The following PTDSS2 variants were observed in gnomAD, a reference collection of about 807,000 sequenced individuals.
The protein encoded by PTDSS2 is PSS-2.
PTDSS2 carries 41 observed loss-of-function variants against 64.7 expected under a neutral mutation model. That is an observed-to-expected ratio of 0.63 (90% CI 0.49 to 0.82). The LOEUF is 0.82. PTDSS2 is among the 40% of genes least tolerant of loss of function. PTDSS2 has a pLI of 0.00. For missense variants in PTDSS2, 485 were observed against 650.0 expected (o/e 0.75, Z 2.76); for synonymous variants, 297 against 277.8 (o/e 1.07, Z -0.69).
chr11:465,438 G>A (rs1301493040), intron 2 of PTDSS2, among the ~76,000 whole-genome samples: 1 of 152,164 alleles, frequency 6.6e-6, no homozygotes, highest in African/African-American at 2.4e-5. Flanking sequence ...CTCCCAAACT[G>A]CTGGGATTAC....
intron 2 of PTDSS2, among the ~76,000 whole-genome samples, chr11:469,766 C>T (rs1847333988): frequency 6.6e-6 from 1 of 151,986 alleles, no homozygotes; most frequent in African/African-American, 2.4e-5. Flanking sequence ...GTCCACGGGG[C>T]CAGGGCTCTG....
chr11:450,596 C>T lies in PTDSS2; in HGVS notation c.141C>T (p.Thr47=). The T allele has an allele frequency of 8.0e-7, 1 of 1,243,734 alleles. No individual in the cohort carries two copies. The highest frequency in any genetic ancestry group is 1.0e-6 in the Non-Finnish European group (1 of 986,364). The allele number at this position is 1,243,734 out of a possible 1,614,324, so 77.0% of individuals were successfully genotyped here. Residue 47 remains threonine (T), a synonymous_variant, in exon 1 of 12, where the codon ACC becomes ACT. Coordinates refer to ENST00000308020, the MANE Select transcript of PTDSS2 (RefSeq NM_030783.3). The part of the protein sequence containing the change: ...ATGPGEGRRS[T]ESEVYDDGTN... ...GGCCGGGCGAGGGCCGCCGCAGCAC[C>T]GAGTCCGAGGTCTACGACGACGGCA...
At chr11:454,836 G>A (rs1846514292) in intron 1 of PTDSS2, among the ~76,000 whole-genome samples, 1 of 152,212 alleles carries the variant, frequency 6.6e-6, no homozygotes, top group African/African-American at 2.4e-5. Context: ...GTGTTAGTGT[G>A]TGATCCTGTC....
intron 1 of PTDSS2, among the ~76,000 whole-genome samples, chr11:452,391 G>A (rs1245657234): frequency 6.6e-6 from 1 of 152,270 alleles, no homozygotes; most frequent in Admixed American, 6.5e-5. Flanking sequence ...ATGCAAGCCT[G>A]CGCAGCCCAC....
At chr11:451,733 A>C (rs1846339321) in intron 1 of PTDSS2, among the ~76,000 whole-genome samples, 1 of 152,122 alleles carries the variant, frequency 6.6e-6, no homozygotes, top group South Asian at 2.1e-4. Context: ...CAGGGACTTA[A>C]CCGGTCCTGG....
upstream of PTDSS2, chr11:450,154 C>G (rs1357879712): frequency 3.4e-6 from 1 of 293,690 alleles, no homozygotes; most frequent in Non-Finnish European, 6.3e-6. Flanking sequence ...CCTGCGACCT[C>G]AGCCGCAGGG....
intron 2 of PTDSS2, among the ~76,000 whole-genome samples, chr11:472,302 G>A (rs376126136): frequency 1.4e-4 from 22 of 152,314 alleles, no homozygotes; most frequent in African/African-American, 5.1e-4. Context: ...TCTGGCTCCA[G>A]GGGGCCCTGA....
rs767529170 is a variant in PTDSS2 at position 489,934 on chromosome 11, G to A, written c.1167G>A (p.Thr389=). Residue 389 remains threonine, a synonymous_variant, in exon 11 of 12, where the codon ACG becomes ACA. Coordinates refer to ENST00000308020, the MANE Select transcript of PTDSS2 (RefSeq NM_030783.3). Reference sequence around the variant, plus strand: ...AGGCCTGGCTGGTGGCGGCCATCACGGCCACGGAGCTGCTCATCGTGGTGA... The same window carrying A: ...AGGCCTGGCTGGTGGCGGCCATCACAGCCACGGAGCTGCTCATCGTGGTGA... ...GPQAWLVAAI[T]ATELLIVVKY... is the part of the protein sequence containing the mutation. 3.1e-6 allele frequency: 5 copies of A among 1,607,058 alleles called. No individual in the cohort carries two copies. The highest frequency in any genetic ancestry group is 2.2e-5 in the East Asian group (1 of 44,708).
At chr11:478,492 A>T (rs1847917591) in intron 3 of PTDSS2, among the ~76,000 whole-genome samples, 1 of 151,922 alleles carries the variant, frequency 6.6e-6, no homozygotes, top group Admixed American at 6.6e-5. Context: ...CACACCTGTA[A>T]TCCCAGCACT....
chr11:468,740 G>C (rs1473436549), intron 2 of PTDSS2, among the ~76,000 whole-genome samples: 12 of 152,070 alleles, frequency 7.9e-5, no homozygotes, highest in Admixed American at 7.9e-4. Context: ...AAGGAGGGGA[G>C]TCTCTGGGTA....
At chr11:475,564 T>A (rs1564980541) in intron 3 of PTDSS2, among the ~76,000 whole-genome samples, 4 of 152,224 alleles carry the variant, frequency 2.6e-5, no homozygotes, top group Non-Finnish European at 5.9e-5. Context: ...GTAGGACATA[T>A]TCACGCGTTT....
Position 476,674 on chromosome 11 carries a change from A to T in PTDSS2, c.368-2411A>T, listed in dbSNP as rs1428325379. Among the ~76,000 whole-genome samples, 2 of 152,008 alleles carry T rather than the reference A, an allele frequency of 1.3e-5. No homozygotes were observed. The highest frequency in any genetic ancestry group is 2.4e-5 in the African/African-American group (1 of 41,388). ...GCTCTGGCGCAGGTCACCTGGCGGG[A>T]TGTGGAGCATCTGGGCCTGAAGGTC... On this transcript the variant is annotated intron_variant, in intron 3 of 11. Coordinates refer to ENST00000308020, the MANE Select transcript of PTDSS2 (RefSeq NM_030783.3). The surrounding 1 kb of genome is among the most constrained non-coding windows in gnomAD (Gnocchi z 4.9).
chr11:474,744 A>G (rs1847646003), intron 3 of PTDSS2, among the ~76,000 whole-genome samples: 1 of 151,866 alleles, frequency 6.6e-6, no homozygotes, highest in African/African-American at 2.4e-5. Context: ...CAACAGGAGT[A>G]TGTATTATAG....
chr11:482,865 T>C (rs1022015348), intron 4 of PTDSS2, among the ~76,000 whole-genome samples: 4 of 139,816 alleles, frequency 2.9e-5, no homozygotes, highest in Non-Finnish European at 3.0e-5. Context: ...TGTGAGTTTT[T>C]CGTAGATCTC....
At chr11:457,148 C>G (rs1846633565) in intron 1 of PTDSS2, among the ~76,000 whole-genome samples, 1 of 152,196 alleles carries the variant, frequency 6.6e-6, no homozygotes, top group African/African-American at 2.4e-5. Context: ...CAGAAAGTTC[C>G]AGCCTGGAGC....
In PTDSS2 at chr11:460,030, T is replaced by TA. The variant is rs908471107; in HGVS notation, c.183-156dup. 3.2e-6 allele frequency: 2 copies of TA among 628,182 alleles called. No homozygotes were observed. Among genetic ancestry groups the TA allele is most frequent in the Non-Finnish European group, 2.9e-6 (1 of 343,468 alleles). 38.9% of individuals were successfully genotyped at this position (628,182 alleles called of 1,614,324 possible). A position where few individuals can be genotyped will look rare whatever the true frequency, so the allele number is the denominator to read the frequency against. Reference sequence around the variant, plus strand: ...AGCAGACGCAGGGTCATCTCGGAGTTACCCAGCTAGGGACTCGCAGCCAGT... The same window carrying TA: ...AGCAGACGCAGGGTCATCTCGGAGTTAACCCAGCTAGGGACTCGCAGCCAGT... On this transcript the variant is annotated intron_variant, in intron 1 of 11. Transcript: ENST00000308020. This position sits in a 1 kb window ranked among gnomAD's most constrained non-coding sequence, Gnocchi z 5.8.
At position 461,826 on chromosome 11, in the gene PTDSS2, G is replaced by A. The variant is rs769343209; in HGVS notation, c.284+1538G>A. Among the ~76,000 whole-genome samples the A allele has an allele frequency of 1.2e-4, 18 of 152,184 alleles. No individual in the cohort carries two copies. The highest frequency in any genetic ancestry group is 1.6e-4 in the Non-Finnish European group (11 of 68,040). ...AGAAATAGATGAGGGAGCATGTGCCGTGCCTGGGGCCCCTGTGGAGGGGCC... is the reference window on the plus strand; with the variant it reads ...AGAAATAGATGAGGGAGCATGTGCCATGCCTGGGGCCCCTGTGGAGGGGCC... On this transcript the variant is annotated intron_variant, in intron 2 of 11. Transcript: ENST00000308020. This position sits in a 1 kb window ranked among gnomAD's most constrained non-coding sequence, Gnocchi z 4.2.
Position 489,472 on chromosome 11 carries a change from C to T in PTDSS2, c.927C>T (p.Ser309=). The T allele has an allele frequency of 1.9e-6, 3 of 1,613,256 alleles. No homozygotes were observed. Among genetic ancestry groups the T allele is most frequent in the Non-Finnish European group, 2.5e-6 (3 of 1,179,860 alleles). ...TTCGCTTCGAGTGGAAGCCGGCCTC[C>T]AGCCTGCGTCGCTGGCTGGCCGTGT... ...SWVRFEWKPA[S]SLRRWLAVCG... The change falls in exon 9 of 12, where the codon TCC becomes TCT. Residue 309 remains serine (S), a synonymous_variant. Transcript: ENST00000308020.
At chr11:477,264 G>A (rs1250443685) in intron 3 of PTDSS2, among the ~76,000 whole-genome samples, 3 of 152,212 alleles carry the variant, frequency 2.0e-5, no homozygotes, top group South Asian at 2.1e-4. Context: ...CCACTGAGGA[G>A]GGCATCCCTC....
Sources: allele counts gnomAD v4.1 joint callset (sites outside exome capture counted in the v4.1 genomes callset), GRCh38; gene constraint gnomAD v4.1.1; non-coding constraint Gnocchi (gnomAD v3.1); transcripts MANE v1.5; gene names NCBI Gene and HGNC (gene_info 2026-07-23, HGNC 2026-07-21).